The following EPB41L4B variants were observed in gnomAD, a reference collection of about 807,000 sequenced individuals.
EPB41L4B encodes erythrocyte membrane protein band 4.1 like 4B.
A neutral mutation model predicts 112.5 loss-of-function variants in EPB41L4B; 30 were observed. The observed-to-expected ratio is 0.27, with a 90% CI of 0.20 to 0.36. EPB41L4B has a LOEUF of 0.36. EPB41L4B is among the 10% of genes least tolerant of loss of function. The pLI, the probability that EPB41L4B is intolerant of heterozygous loss-of-function variation, is 1.00. For synonymous variants in EPB41L4B, 408 were observed against 439.7 expected, an observed-to-expected ratio of 0.93 and a Z score of 0.90; for missense variants, 1,024 against 1,133.3, an observed-to-expected ratio of 0.90 and a Z score of 1.38.
chr9:109,219,050 G>A (rs755440549), intron 15 of EPB41L4B, among the ~76,000 whole-genome samples: 1 of 152,032 alleles, frequency 6.6e-6, no homozygotes, highest in Non-Finnish European at 1.5e-5. Flanking sequence ...GAGCATTCGG[G>A]GGAAGACAGT....
intron 24 of EPB41L4B, among the ~76,000 whole-genome samples, chr9:109,178,734 A>G (rs1488112474): frequency 6.6e-6 from 1 of 151,966 alleles, no homozygotes; most frequent in African/African-American, 2.4e-5. Context: ...GAGCTACTGC[A>G]CCCAGCCTTT....
intron 23 of EPB41L4B, among the ~76,000 whole-genome samples, chr9:109,183,395 G>A (rs1014858836): frequency 2.0e-5 from 3 of 152,164 alleles, no homozygotes; most frequent in African/African-American, 7.2e-5. Flanking sequence ...CTGCCCCCAC[G>A]GCCTTTGGGA....
At chr9:109,286,071 C>T (rs1836264548) in intron 1 of EPB41L4B, among the ~76,000 whole-genome samples, 1 of 151,744 alleles carries the variant, frequency 6.6e-6, no homozygotes, top group African/African-American at 2.4e-5. Context: ...ATCTCTGTCC[C>T]TCCATCCCCA....
intron 14 of EPB41L4B, among the ~76,000 whole-genome samples, chr9:109,244,034 G>A (rs1434163143): frequency 6.6e-6 from 1 of 152,226 alleles, no homozygotes; most frequent in African/African-American, 2.4e-5. Flanking sequence ...AGGTGTCAGA[G>A]AGATGGGGAG....
At chr9:109,281,789 C>T (rs1836071135) in intron 1 of EPB41L4B, among the ~76,000 whole-genome samples, 1 of 152,000 alleles carries the variant, frequency 6.6e-6, no homozygotes, top group Non-Finnish European at 1.5e-5. Flanking sequence ...TCATATACTG[C>T]TGATGGGAAT....
chr9:109,317,368 T>C (rs68006325), intron 1 of EPB41L4B, among the ~76,000 whole-genome samples: 32,246 of 152,144 alleles, frequency 0.21, 3,972 homozygotes, highest in Admixed American at 0.32. Context: ...TCATATCACT[T>C]AGCATCACCC....
Position 109,295,424 on chromosome 9 carries a change from T to C in EPB41L4B, c.307-15503A>G, listed in dbSNP as rs530035355. Among the ~76,000 whole-genome samples, 100 of 152,142 alleles carry C rather than the reference T, an allele frequency of 6.6e-4. 1 individual carries two copies. The highest frequency in any genetic ancestry group is 5.6e-4 in the Non-Finnish European group (38 of 68,026). The stretch of plus-strand genomic sequence containing the variant: ...CCAGCAGAATAAGAACATCACGATA[T>C]GGAACAAGACAAGCTCCTCAGTGGA... On this transcript the variant is annotated intron_variant, in intron 1 of 25. Coordinates refer to ENST00000374566, the MANE Select transcript of EPB41L4B (RefSeq NM_019114.5).
chr9:109,229,313 A>C (rs1833879355), intron 15 of EPB41L4B, among the ~76,000 whole-genome samples: 1 of 152,220 alleles, frequency 6.6e-6, no homozygotes, highest in African/African-American at 2.4e-5. Context: ...CAGGCCAAGA[A>C]ATCAACAGAT....
chr9:109,186,112 C>T (rs533709077), intron 22 of EPB41L4B, among the ~76,000 whole-genome samples: 5 of 152,232 alleles, frequency 3.3e-5, no homozygotes, highest in African/African-American at 1.2e-4. Flanking sequence ...AACAAGGGCA[C>T]ACACTGTGGT....
intron 1 of EPB41L4B, among the ~76,000 whole-genome samples, chr9:109,309,411 T>C (rs1389366995): frequency 1.3e-5 from 2 of 152,152 alleles, no homozygotes; most frequent in African/African-American, 2.4e-5. Flanking sequence ...CCAGGGAAGC[T>C]TGTCAACTTG....
At chr9:109,304,272 T>C (rs1837086636) in intron 1 of EPB41L4B, among the ~76,000 whole-genome samples, 2 of 152,374 alleles carry the variant, frequency 1.3e-5, no homozygotes, top group Admixed American at 1.3e-4. Context: ...GACTCATTCC[T>C]CAACATTTCA....
intron 20 of EPB41L4B, among the ~76,000 whole-genome samples, chr9:109,199,227 G>A (rs902520180): frequency 6.6e-6 from 1 of 152,174 alleles, no homozygotes; most frequent in African/African-American, 2.4e-5. Context: ...GTTGACAGAC[G>A]GGGCTGCCTT....
chr9:109,283,743 A>T (rs892049411), intron 1 of EPB41L4B, among the ~76,000 whole-genome samples: 1 of 152,202 alleles, frequency 6.6e-6, no homozygotes, highest in Non-Finnish European at 1.5e-5. Flanking sequence ...ATAGTTGTAC[A>T]GATGCTCCTT....
At chr9:109,261,435 C>T (rs1451119920) in intron 6 of EPB41L4B, among the ~76,000 whole-genome samples, 6 of 152,012 alleles carry the variant, frequency 3.9e-5, no homozygotes, top group Admixed American at 1.3e-4. Context: ...GTTGCTCATG[C>T]CTGTAATCTC....
rs1231264673 is a variant in EPB41L4B at position 109,173,927 on chromosome 9, AT to A, written c.*626del. 1.3e-5 allele frequency: 2 copies of A among 152,272 alleles called. No individual in the cohort carries two copies. The highest frequency in any genetic ancestry group is 4.8e-5 in the African/African-American group (2 of 41,474). The allele number at this position is 152,272 out of a possible 1,614,324, so 9.4% of individuals were successfully genotyped here. A position where few individuals can be genotyped will look rare whatever the true frequency, so the allele number is the denominator to read the frequency against. On this transcript the variant is annotated 3_prime_UTR_variant, in exon 26 of 26. Transcript: ENST00000374566. ...ATCATTTCCTACTTTGGGTTCAATG[AT>A]AAATTCTGTTTATTCCAAATAATAT...
In EPB41L4B at chr9:109,194,311, T is replaced by A; in HGVS notation, c.2132A>T (p.Gln711Leu). Residue 711 changes from glutamine to leucine, a missense_variant, in exon 21 of 26, where the codon CAA becomes CTA. By Grantham distance (113) the Gln-to-Leu change is moderately radical. Coordinates refer to ENST00000374566, the MANE Select transcript of EPB41L4B (RefSeq NM_019114.5). ...TTTNTTTAAT[Q>L]VSVPLPSPKV... ...GGGGGACGGCAGCGGCACGGAGACT[T>A]GTGTGGCGGCCGTTGTGGTGTTTGT... The A allele has an allele frequency of 6.2e-7, 1 of 1,614,132 alleles. No individual in the cohort carries two copies. Among genetic ancestry groups the A allele is most frequent in the Non-Finnish European group, 8.5e-7 (1 of 1,180,032 alleles).
intron 15 of EPB41L4B, among the ~76,000 whole-genome samples, chr9:109,218,126 C>CTTTTT (rs10654240): frequency 0.015 from 1,643 of 106,498 alleles, 74 homozygotes; most frequent in African/African-American, 0.025. Context: ...ACTAATAATT[C>CTTTTT]TTTTTTTTTT....
intron 1 of EPB41L4B, among the ~76,000 whole-genome samples, chr9:109,309,544 T>C (rs1837336752): frequency 6.6e-6 from 1 of 151,994 alleles, no homozygotes. Flanking sequence ...TAAAAACACA[T>C]GTGAAAATCA....
chr9:109,212,502 GGTTAAACCTGCA>G (rs1833217045), intron 17 of EPB41L4B, among the ~76,000 whole-genome samples: 1 of 152,178 alleles, frequency 6.6e-6, no homozygotes. Context: ...GCTTTTTGAA[GGTTAAACCTGCA>G]GTTGGGGTCC....
Sources: gnomAD v4.1 joint callset for allele counts (sites outside exome capture counted in the v4.1 genomes callset) on GRCh38, gnomAD v4.1.1 for gene constraint, MANE v1.5 for transcripts, NCBI Gene and HGNC (gene_info 2026-07-23, HGNC 2026-07-21) for gene names.